CLUH: variants seen among roughly 807,000 people sequenced by gnomAD.
CLUH encodes the protein clustered mitochondria protein homolog.
In CLUH, 77 loss-of-function variants were observed where a neutral mutation model predicts 139.3. The observed-to-expected ratio is 0.55, with a 90% CI of 0.46 to 0.67. CLUH has a LOEUF of 0.67. Among genes scored for constraint, CLUH ranks in the 30% least tolerant of loss-of-function variants. CLUH has a pLI of 0.00. For synonymous variants in CLUH, 999 were observed against 801.6 expected (o/e 1.25, Z -4.16); for missense variants, 1,876 against 1,875.8 (o/e 1.00, Z 0.00).
chr17:2,702,899 A>C (rs2070233816), intron 3 of CLUH, among the ~76,000 whole-genome samples: 2 of 151,528 alleles, frequency 1.3e-5, no homozygotes, highest in African/African-American at 4.9e-5. Context: ...ATCCGGGCAC[A>C]CTGCAACCTC....
Position 2,692,863 on chromosome 17 carries a change from G to A in CLUH, c.3232-3C>T, listed in dbSNP as rs1179716461. 1 of 1,586,844 alleles carries A rather than the reference G, an allele frequency of 6.3e-7. No homozygotes were observed. Among genetic ancestry groups the A allele is most frequent in the Non-Finnish European group, 8.6e-7 (1 of 1,164,176 alleles). The stretch of plus-strand genomic sequence containing the variant: ...GCCTTCTGCTGGTTACTCAGGGCCT[G>A]GGGAGAGACAGTGGTGGTTGCCGCG... On this transcript the variant is annotated splice_region_variant and splice_polypyrimidine_tract_variant and intron_variant, in intron 19 of 25. Transcript: ENST00000651024.
chr17:2,703,180 G>A lies in CLUH; in HGVS notation c.475+138C>T. On this transcript the variant is annotated intron_variant, in intron 3 of 25. Transcript: ENST00000651024. This position sits in a 1 kb window ranked among gnomAD's most constrained non-coding sequence, Gnocchi z 4.2. ...TGAAGTTGGCAGATATAGGTGTGCT[G>A]GCCTGAGAAGCAGATCTGTGCTCCA... 1 of 902,846 alleles carries A rather than the reference G, an allele frequency of 1.1e-6. No homozygotes were observed. The highest frequency in any genetic ancestry group is 1.7e-5 in the South Asian group (1 of 59,942). 55.9% of individuals were successfully genotyped at this position (902,846 alleles called of 1,614,324 possible).
chr17:2,694,848 C>T lies in CLUH; in HGVS notation c.2852+9G>A, dbSNP rs1409088937. 8.0e-6 allele frequency: 12 copies of T among 1,501,458 alleles called. No individual in the cohort carries two copies. Among genetic ancestry groups the T allele is most frequent in the East Asian group, 2.4e-5 (1 of 41,356 alleles). The allele number at this position is 1,501,458 out of a possible 1,614,324, so 93.0% of individuals were successfully genotyped here. A position where few individuals can be genotyped will look rare whatever the true frequency, so the allele number is the denominator to read the frequency against. ...CCCACCCACCCCACCGCCCCTGCCC[C>T]GCACGCACCACTCGAGGTCGAAGTC... On this transcript the variant is annotated intron_variant, in intron 16 of 25. Coordinates refer to ENST00000651024, the MANE Select transcript of CLUH (RefSeq NM_001366661.1).
At chr17:2,699,213 T>C (rs1228471153) in intron 9 of CLUH, among the ~76,000 whole-genome samples, 1 of 152,186 alleles carries the variant, frequency 6.6e-6, no homozygotes, top group East Asian at 1.9e-4. Flanking sequence ...AGTTGTCCAA[T>C]ATATTATAGG....
At chr17:2,690,886 G>T in intron 25 of CLUH, 109 bp from the exon 26 acceptor site, 5 of 843,526 alleles carry the variant, frequency 5.9e-6, no homozygotes, top group Non-Finnish European at 8.3e-6. Flanking sequence ...CTATTCAGTG[G>T]GGAATGTGTG....
At chr17:2,692,537 T>C in intron 21 of CLUH, 34 bp downstream of exon 21, 2 of 1,601,742 alleles carry the variant, frequency 1.2e-6, no homozygotes, top group Non-Finnish European at 1.7e-6. Context: ...GGGATGGAGC[T>C]GGGTCCCTGC....
At chr17:2,701,332 G>A (rs202121722) in intron 6 of CLUH, 34 bp downstream of exon 6, 40 of 1,605,746 alleles carry the variant, frequency 2.5e-5, no homozygotes, top group Middle Eastern at 1.7e-4. Flanking sequence ...CGGCTGGCAC[G>A]GCAGGGGGGT....
Position 2,707,373 on chromosome 17 carries a change from G to A in CLUH, c.101-2809C>T. On this transcript the variant is annotated intron_variant, in intron 1 of 25. Transcript: ENST00000651024. This position sits in a 1 kb window ranked among gnomAD's most constrained non-coding sequence, Gnocchi z 7.4. ...TTCGGGTTTCAGTGGGGCCAGGCCT[G>A]CCATGGCAGCCCCAGGAAGGGCACA... 1 of 985,400 alleles carries A rather than the reference G, an allele frequency of 1.0e-6. No homozygotes were observed. Among genetic ancestry groups the A allele is most frequent in the Non-Finnish European group, 1.2e-6 (1 of 829,920 alleles). The allele number at this position is 985,400 out of a possible 1,614,324, so 61.0% of individuals were successfully genotyped here.
intron 1 of CLUH, among the ~76,000 whole-genome samples, chr17:2,708,864 G>GT (rs201842712): frequency 1.2e-5 from 1 of 86,498 alleles, no homozygotes; most frequent in South Asian, 5.7e-4. Flanking sequence ...TCTACTCGGG[G>GT]GGGGGGGAGC....
intron 13 of CLUH, chr17:2,695,873 G>A: frequency 1.7e-6 from 1 of 579,398 alleles, no homozygotes; most frequent in Non-Finnish European, 3.1e-6. Flanking sequence ...GGAGGAGGAG[G>A]ATGGGCAGCC....
At chr17:2,693,830 G>A (rs998326957) in intron 19 of CLUH, 70 bp downstream of exon 19, 57 of 1,527,948 alleles carry the variant, frequency 3.7e-5, no homozygotes, top group Middle Eastern at 2.2e-4. Context: ...CCACTCCTCC[G>A]TCAGGGGCCC....
In CLUH at chr17:2,701,579, A is replaced by G. The variant is rs1449724996; in HGVS notation, c.744+34T>C. On this transcript the variant is annotated intron_variant, in intron 5 of 25. Transcript: ENST00000651024. Reference sequence around the variant, plus strand: ...TCTGGTGTGGGGCCTCCACCCCGCCAGGGACCCTCTTCCTCCCTCCCCCAG... The same window carrying G: ...TCTGGTGTGGGGCCTCCACCCCGCCGGGGACCCTCTTCCTCCCTCCCCCAG... The G allele has an allele frequency of 1.9e-6, 3 of 1,610,958 alleles. No homozygotes were observed. The Admixed American group carries it at 5.0e-5, about 27-fold the overall frequency.
rs1321682240 is a variant in CLUH at position 2,706,877 on chromosome 17, C to G, written c.101-2313G>C. Among the ~76,000 whole-genome samples the G allele has an allele frequency of 6.6e-6, 1 of 152,174 alleles. No individual in the cohort carries two copies. Among genetic ancestry groups the G allele is most frequent in the Non-Finnish European group, 1.5e-5 (1 of 68,032 alleles). ...GAGTCAAATACCTAGACAGAGACAGCCTGTGTTCTTTCGCATGTCTGGAAT... is the reference window on the plus strand; with the variant it reads ...GAGTCAAATACCTAGACAGAGACAGGCTGTGTTCTTTCGCATGTCTGGAAT... On this transcript the variant is annotated intron_variant, in intron 1 of 25. Transcript: ENST00000651024. The surrounding 1 kb of genome is among the most constrained non-coding windows in gnomAD (Gnocchi z 4.6).
chr17:2,698,721 A>G (rs2070067487), intron 9 of CLUH, 131 bp from the exon 10 acceptor site: 2 of 813,014 alleles, frequency 2.5e-6, no homozygotes, highest in South Asian at 1.9e-5. Flanking sequence ...CCGGAGCCTC[A>G]GTTTCCTCAT....
intron 1 of CLUH, 39 bp downstream of exon 1, chr17:2,711,520 GCGC>G (rs1312677670): frequency 3.4e-4 from 190 of 552,370 alleles, no homozygotes; most frequent in Admixed American, 1.5e-3. Context: ...CCCTGGTCCG[GCGC>G]CCCCCGCCCA....
chr17:2,695,052 C>A lies in CLUH; in HGVS notation c.2657G>T (p.Cys886Phe). The change falls in exon 16 of 26, where the codon TGC becomes TTC. Residue 886 changes from cysteine (C) to phenylalanine (F), a missense_variant. By Grantham distance (205) the Cys-to-Phe change is radical (BLOSUM62 -2). This residue lies in a region of CLUH where 1,454 missense variants were observed against 1,384.4 expected (regional missense o/e 1.05). Transcript: ENST00000651024. ...GGGGTTTGGGTAGGAGCTCAGGAAGCAGTTCAGGAAGTGGCTGATGGCGGC... is the reference window on the plus strand; with the variant it reads ...GGGGTTTGGGTAGGAGCTCAGGAAGAAGTTCAGGAAGTGGCTGATGGCGGC... ...LSAAISHFLN[C>F]FLSSYPNPVA... The A allele has an allele frequency of 6.2e-7, 1 of 1,613,388 alleles. No homozygotes were observed. The highest frequency in any genetic ancestry group is 8.5e-7 in the Non-Finnish European group (1 of 1,179,678).
In CLUH at chr17:2,703,227, C is replaced by T. The variant is rs1174173653; in HGVS notation, c.475+91G>A. On this transcript the variant is annotated intron_variant, in intron 3 of 25. Transcript: ENST00000651024. The surrounding 1 kb of genome is among the most constrained non-coding windows in gnomAD (Gnocchi z 4.2). ...TCCAATCCTGCCTCCATGAGCTCAT[C>T]CGTGACACAGGGACCCTGGCATGGA... is the stretch of plus-strand genomic sequence containing the variant. 3 of 1,363,440 alleles carry T rather than the reference C, an allele frequency of 2.2e-6. No homozygotes were observed. The highest frequency in any genetic ancestry group is 2.9e-5 in the African/African-American group (2 of 69,784). The allele number at this position is 1,363,440 out of a possible 1,614,324, so 84.5% of individuals were successfully genotyped here.
At chr17:2,705,500 G>A (rs998961734) in intron 1 of CLUH, among the ~76,000 whole-genome samples, 3 of 152,014 alleles carry the variant, frequency 2.0e-5, no homozygotes, top group African/African-American at 4.8e-5. Context: ...CCCTCCCACC[G>A]CTGTGCTTCT....
rs1185700954 is a variant in CLUH, at chr17:2,695,080, A to G, written c.2629T>C (p.Ser877Pro). The G allele has an allele frequency of 6.2e-7, 1 of 1,612,094 alleles. No homozygotes were observed. The highest frequency in any genetic ancestry group is 8.5e-7 in the Non-Finnish European group (1 of 1,179,090). ...TTCAGGAAGTGGCTGATGGCGGCTGAGAGGCCGGAGAGCTCGACTCCCTGC... is the reference window on the plus strand; with the variant it reads ...TTCAGGAAGTGGCTGATGGCGGCTGGGAGGCCGGAGAGCTCGACTCCCTGC... ...YLQGVELSGL[S>P]AAISHFLNCF... The change falls in exon 16 of 26, where the codon TCA becomes CCA. Residue 877 changes from serine to proline, a missense_variant. Physicochemically the swap from Ser to Pro is moderately conservative, Grantham distance 74. Coordinates refer to ENST00000651024, the MANE Select transcript of CLUH (RefSeq NM_001366661.1).
Sources: allele counts gnomAD v4.1 joint callset (sites outside exome capture counted in the v4.1 genomes callset), GRCh38; gene constraint gnomAD v4.1.1; regional missense constraint gnomAD v4.1.1; non-coding constraint Gnocchi (gnomAD v3.1); transcripts MANE v1.5; gene names NCBI Gene and HGNC (gene_info 2026-07-23, HGNC 2026-07-21).